The following EXOC6B variants were observed in gnomAD, a reference collection of about 807,000 sequenced individuals.
The protein encoded by EXOC6B is SEC15 homolog B.
In EXOC6B, 54 loss-of-function variants were observed where a neutral mutation model predicts 113.5. That is an observed-to-expected ratio of 0.48 (90% CI 0.38 to 0.60). EXOC6B has a LOEUF of 0.60. Among genes scored for constraint, EXOC6B ranks in the 20% least tolerant of loss-of-function variants. The pLI is 0.00. For missense variants in EXOC6B, 797 were observed against 977.5 expected, an observed-to-expected ratio of 0.82 and a Z score of 2.46; for synonymous variants, 357 against 339.0, an observed-to-expected ratio of 1.05 and a Z score of -0.58.
intron 5 of EXOC6B, among the ~76,000 whole-genome samples, chr2:72,726,716 A>C (rs1194225637): frequency 6.6e-6 from 1 of 152,168 alleles, no homozygotes; most frequent in African/African-American, 2.4e-5. Context: ...GAATATCATT[A>C]TAAGAATCTT....
At chr2:72,196,944 T>A (rs1679212206) in intron 20 of EXOC6B, among the ~76,000 whole-genome samples, 1 of 152,194 alleles carries the variant, frequency 6.6e-6, no homozygotes, top group Non-Finnish European at 1.5e-5. Flanking sequence ...GAGTACCATA[T>A]GCATTCAGAT....
chr2:72,807,509 T>C (rs905410284), intron 1 of EXOC6B, among the ~76,000 whole-genome samples: 1 of 152,200 alleles, frequency 6.6e-6, no homozygotes, highest in Non-Finnish European at 1.5e-5. Context: ...TTCAGGCTCC[T>C]TTTTGGTTCC....
chr2:72,580,342 C>T (rs1293779934), intron 6 of EXOC6B, among the ~76,000 whole-genome samples: 1 of 151,762 alleles, frequency 6.6e-6, no homozygotes, highest in Admixed American at 6.6e-5. Flanking sequence ...ATGGTTTCAC[C>T]ATGTTGGCCA....
chr2:72,338,234 C>G (rs1688808880), intron 19 of EXOC6B, among the ~76,000 whole-genome samples: 1 of 152,118 alleles, frequency 6.6e-6, no homozygotes, highest in Non-Finnish European at 1.5e-5. Flanking sequence ...GAGGATTAAA[C>G]AGAATAACAC....
At chr2:72,188,432 G>T (rs530191401) in intron 20 of EXOC6B, among the ~76,000 whole-genome samples, 1 of 152,100 alleles carries the variant, frequency 6.6e-6, no homozygotes, top group Admixed American at 6.5e-5. Context: ...GGTCCATGTT[G>T]CTTCCCACAG....
At chr2:72,671,789 A>AAGAAAGAAAGAAAG (rs1425371002) in intron 6 of EXOC6B, among the ~76,000 whole-genome samples, 4 of 116,424 alleles carry the variant, frequency 3.4e-5, no homozygotes, top group African/African-American at 1.7e-4. Context: ...GAAAGAAAGA[A>AAGAAAGAAAGAAAG]AGAAAGAAAG....
At chr2:72,408,457 T>G (rs1693936639) in intron 18 of EXOC6B, among the ~76,000 whole-genome samples, 1 of 152,206 alleles carries the variant, frequency 6.6e-6, no homozygotes, top group Non-Finnish European at 1.5e-5. Flanking sequence ...GCTACCTGAC[T>G]TCAAACCATA....
chr2:72,405,995 G>A (rs1007069763), intron 18 of EXOC6B, among the ~76,000 whole-genome samples: 1 of 152,114 alleles, frequency 6.6e-6, no homozygotes, highest in African/African-American at 2.4e-5. Flanking sequence ...TCAAAATAAA[G>A]GGATGGAGGA....
intron 18 of EXOC6B, among the ~76,000 whole-genome samples, chr2:72,390,483 C>T (rs942023739): frequency 1.3e-5 from 2 of 152,056 alleles, no homozygotes; most frequent in Non-Finnish European, 2.9e-5. Context: ...TTATTGAATA[C>T]TGGATATTGT....
intron 6 of EXOC6B, among the ~76,000 whole-genome samples, chr2:72,584,786 A>C (rs1320708483): frequency 1.1e-4 from 16 of 152,220 alleles, no homozygotes; most frequent in Admixed American, 1.0e-3. Flanking sequence ...TAAAAGAAAA[A>C]AAATTGAAAT....
intron 6 of EXOC6B, among the ~76,000 whole-genome samples, chr2:72,583,721 T>G (rs1272119310): frequency 2.2e-5 from 3 of 138,600 alleles, no homozygotes; most frequent in African/African-American, 3.3e-5. Flanking sequence ...GTTTTTTTTG[T>G]TTTTGTTTTT....
At position 72,562,263 on chromosome 2, in the gene EXOC6B, A is replaced by G. The variant is rs188520563; in HGVS notation, c.847-2742T>C. ...TGAAGGAATGCTACAGGTTTGGAAGAATAAGAAGTGAACTTTCAAAAATCT... is the reference window on the plus strand; with the variant it reads ...TGAAGGAATGCTACAGGTTTGGAAGGATAAGAAGTGAACTTTCAAAAATCT... On this transcript the variant is annotated intron_variant, in intron 7 of 21. Coordinates refer to ENST00000272427, the MANE Select transcript of EXOC6B (RefSeq NM_015189.3). Among the ~76,000 whole-genome samples, 406 of 152,284 alleles carry G rather than the reference A, an allele frequency of 2.7e-3. 1 individual carries two copies. Among genetic ancestry groups the G allele is most frequent in the African/African-American group, 9.5e-3 (395 of 41,576 alleles).
At chr2:72,778,371 C>T (rs1252694853) in intron 1 of EXOC6B, among the ~76,000 whole-genome samples, 2 of 152,094 alleles carry the variant, frequency 1.3e-5, no homozygotes, top group Non-Finnish European at 2.9e-5. Flanking sequence ...ACAAAACAAG[C>T]TTCAAGACAA....
intron 20 of EXOC6B, among the ~76,000 whole-genome samples, chr2:72,331,104 A>T (rs892673288): frequency 5.3e-5 from 8 of 152,098 alleles, no homozygotes; most frequent in African/African-American, 1.9e-4. Context: ...TTTTGTAGCA[A>T]AAGTCACCGA....
chr2:72,608,221 A>G (rs1670865780), intron 6 of EXOC6B, among the ~76,000 whole-genome samples: 2 of 152,170 alleles, frequency 1.3e-5, no homozygotes. Flanking sequence ...AGGAATTTGG[A>G]AAAGCCGTAA....
intron 1 of EXOC6B, among the ~76,000 whole-genome samples, chr2:72,766,923 G>A (rs1490666576): frequency 6.9e-6 from 1 of 144,860 alleles, no homozygotes; most frequent in Admixed American, 7.0e-5. Context: ...CTGCCCTCCA[G>A]CTTGGGTGAC....
chr2:72,697,704 A>T (rs2104617837), intron 6 of EXOC6B, among the ~76,000 whole-genome samples: 1 of 152,280 alleles, frequency 6.6e-6, no homozygotes, highest in Admixed American at 6.5e-5. Flanking sequence ...ATTTCCAAAA[A>T]TTAGAAATTC....
At chr2:72,517,534 C>T (rs1362564054) in intron 8 of EXOC6B, among the ~76,000 whole-genome samples, 1 of 152,038 alleles carries the variant, frequency 6.6e-6, no homozygotes, top group Non-Finnish European at 1.5e-5. Context: ...GCAAATGATT[C>T]CATTTAAGAA....
chr2:72,712,839 G>A (rs1679358864), intron 6 of EXOC6B, among the ~76,000 whole-genome samples: 1 of 152,066 alleles, frequency 6.6e-6, no homozygotes, highest in African/African-American at 2.4e-5. Flanking sequence ...TAAAGAAAAA[G>A]AGCTTCCTAG....
Sources: gnomAD v4.1 joint callset for allele counts (sites outside exome capture counted in the v4.1 genomes callset) on GRCh38, gnomAD v4.1.1 for gene constraint, MANE v1.5 for transcripts, NCBI Gene and HGNC (gene_info 2026-07-23, HGNC 2026-07-21) for gene names.